The following SEMA5A variants were observed in gnomAD, a reference collection of about 807,000 sequenced individuals.
The protein encoded by SEMA5A is semaphorin 5A.
SEMA5A carries 55 observed loss-of-function variants against 135.5 expected under a neutral mutation model. The observed-to-expected ratio is 0.41, with a 90% CI of 0.33 to 0.51. The LOEUF is 0.51. SEMA5A is among the 20% of genes least tolerant of loss of function. SEMA5A has a pLI of 0.37. For synonymous variants in SEMA5A, 580 were observed against 546.5 expected (o/e 1.06, Z -0.85); for missense variants, 1,290 against 1,419.9 (o/e 0.91, Z 1.47).
intron 5 of SEMA5A, among the ~76,000 whole-genome samples, chr5:9,304,764 T>C (rs1026000539): frequency 2.6e-5 from 4 of 152,230 alleles, no homozygotes; most frequent in Non-Finnish European, 5.9e-5. Context: ...TTTATGATGA[T>C]TCTGTAGGAA....
chr5:9,278,656 C>T (rs767129898), intron 5 of SEMA5A, among the ~76,000 whole-genome samples: 1 of 152,196 alleles, frequency 6.6e-6, no homozygotes, highest in East Asian at 1.9e-4. Flanking sequence ...GGCCCTGCTG[C>T]TCTGTGCAGC....
intron 2 of SEMA5A, among the ~76,000 whole-genome samples, chr5:9,388,273 A>T (rs751124092): frequency 2.6e-5 from 4 of 152,202 alleles, no homozygotes; most frequent in Non-Finnish European, 5.9e-5. Flanking sequence ...GGGAATTGTT[A>T]TTATACTTTT....
At chr5:9,265,522 T>G (rs1179104000) in intron 5 of SEMA5A, 2 of 456,338 alleles carry the variant, frequency 4.4e-6, no homozygotes, top group Non-Finnish European at 8.8e-6. Flanking sequence ...GTGTGGTGTG[T>G]GCGGTCCTCC....
intron 6 of SEMA5A, among the ~76,000 whole-genome samples, chr5:9,232,622 C>T (rs778387338): frequency 3.9e-5 from 6 of 152,010 alleles, no homozygotes; most frequent in Non-Finnish European, 5.9e-5. Context: ...ACATATATTA[C>T]GTGCTATGTA....
chr5:9,268,452 G>A (rs886130174), intron 5 of SEMA5A, among the ~76,000 whole-genome samples: 1 of 152,042 alleles, frequency 6.6e-6, no homozygotes, highest in Non-Finnish European at 1.5e-5. Context: ...GAGACTCCCA[G>A]GGAAGGAAAT....
chr5:9,503,627 T>A (rs1735706332), intron 1 of SEMA5A, among the ~76,000 whole-genome samples: 1 of 152,298 alleles, frequency 6.6e-6, no homozygotes, highest in Admixed American at 6.5e-5. Context: ...TTTAAAATTT[T>A]AAAAATAAAC....
intron 5 of SEMA5A, among the ~76,000 whole-genome samples, chr5:9,242,923 T>A (rs1033169414): frequency 6.6e-6 from 1 of 152,218 alleles, no homozygotes; most frequent in African/African-American, 2.4e-5. Flanking sequence ...GAAATACCTA[T>A]GAAAATGTGT....
At chr5:9,148,606 C>A (rs1742465512) in intron 12 of SEMA5A, among the ~76,000 whole-genome samples, 1 of 152,198 alleles carries the variant, frequency 6.6e-6, no homozygotes, top group South Asian at 2.1e-4. Context: ...CCTTCATATA[C>A]CCGCACTAGG....
chr5:9,093,044 A>C (rs553186508), intron 16 of SEMA5A, among the ~76,000 whole-genome samples: 1 of 152,336 alleles, frequency 6.6e-6, no homozygotes, highest in South Asian at 2.1e-4. Flanking sequence ...AATTGAACTA[A>C]ATCCAAGTTT....
chr5:9,076,387 T>C (rs955210391), intron 16 of SEMA5A, among the ~76,000 whole-genome samples: 2 of 151,554 alleles, frequency 1.3e-5, no homozygotes, highest in African/African-American at 2.4e-5. Context: ...ATATAGTAAA[T>C]AGAGTTTGAG....
intron 16 of SEMA5A, among the ~76,000 whole-genome samples, chr5:9,081,484 T>C (rs2150104225): frequency 6.6e-6 from 1 of 152,320 alleles, no homozygotes; most frequent in East Asian, 1.9e-4. Context: ...ATACATCCAG[T>C]TTCCCACTGG....
At chr5:9,182,156 A>ACCCCC (rs1560995487) in intron 11 of SEMA5A, among the ~76,000 whole-genome samples, 1 of 109,728 alleles carries the variant, frequency 9.1e-6, no homozygotes, top group African/African-American at 3.8e-5. Flanking sequence ...TCTGCCCCCC[A>ACCCCC]CCCCAAAAAA....
In SEMA5A at chr5:9,242,831, G is replaced by A. The variant is rs565395594; in HGVS notation, c.271-4941C>T. On this transcript the variant is annotated intron_variant, in intron 5 of 22. Coordinates refer to ENST00000382496, the MANE Select transcript of SEMA5A (RefSeq NM_003966.3). ...AATTAACTTAAAAAAGACTGGAATC[G>A]CATTAGAGTCATATCATCCCACTAT... 4.7e-4 allele frequency among the ~76,000 whole-genome samples: 72 copies of A among 152,086 alleles called. No homozygotes were observed. The South Asian group carries it at 7.7e-3, about 16-fold the overall frequency.
chr5:9,072,163 A>G (rs756230849), intron 16 of SEMA5A, among the ~76,000 whole-genome samples: 9 of 152,162 alleles, frequency 5.9e-5, no homozygotes, highest in Non-Finnish European at 1.3e-4. Flanking sequence ...ATGGTTCTTA[A>G]AGTACTGGAC....
rs1262023415 is a variant in SEMA5A at position 9,467,391 on chromosome 5, C to T, written c.-174-29539G>A. ...CCTCCCAAAGTGCTGGGATTACAAA[C>T]GTGAGCCACCGCGCCCGGCTGCATG... is the stretch of plus-strand genomic sequence containing the variant. On this transcript the variant is annotated intron_variant, in intron 1 of 22. Coordinates refer to ENST00000382496, the MANE Select transcript of SEMA5A (RefSeq NM_003966.3). Among the ~76,000 whole-genome samples, 4 of 152,258 alleles carry T rather than the reference C, an allele frequency of 2.6e-5. No individual in the cohort carries two copies. In the East Asian group the frequency reaches 5.8e-4, roughly 22 times the overall value.
intron 1 of SEMA5A, among the ~76,000 whole-genome samples, chr5:9,533,957 G>A (rs77463365): frequency 0.03 from 4,607 of 152,240 alleles, 206 homozygotes; most frequent in African/African-American, 0.11. Context: ...AGAAGTCAAA[G>A]TCAACCCCAA....
intron 5 of SEMA5A, among the ~76,000 whole-genome samples, chr5:9,290,567 G>A (rs1751028590): frequency 6.6e-6 from 1 of 151,916 alleles, no homozygotes. Context: ...CTTTTCTACA[G>A]GTACCTACTA....
At chr5:9,234,875 A>C (rs980333716) in intron 6 of SEMA5A, among the ~76,000 whole-genome samples, 1 of 152,262 alleles carries the variant, frequency 6.6e-6, no homozygotes, top group African/African-American at 2.4e-5. Context: ...TGTAGTAACG[A>C]TTGGTCTCCT....
At chr5:9,164,125 C>A (rs539985442) in intron 11 of SEMA5A, among the ~76,000 whole-genome samples, 25 of 101,432 alleles carry the variant, frequency 2.5e-4, no homozygotes, top group African/African-American at 7.5e-4. Context: ...ATAAATATAT[C>A]ATATAAATAT....
Sources: gnomAD v4.1 joint callset for allele counts (sites outside exome capture counted in the v4.1 genomes callset) on GRCh38, gnomAD v4.1.1 for gene constraint, MANE v1.5 for transcripts, NCBI Gene and HGNC (gene_info 2026-07-23, HGNC 2026-07-21) for gene names.